LGR4: variants seen among roughly 807,000 people sequenced by gnomAD.
The protein encoded by LGR4 is leucine rich repeat containing G protein-coupled receptor 4.
In LGR4, 44 loss-of-function variants were observed where a neutral mutation model predicts 84.8. The observed-to-expected ratio is 0.52, with a 90% CI of 0.41 to 0.67. The LOEUF (loss-of-function observed/expected upper bound fraction) is 0.67, where lower values mean the gene tolerates loss of function less well. Among genes scored for constraint, LGR4 ranks in the 30% least tolerant of loss-of-function variants. The pLI, the probability that LGR4 is intolerant of heterozygous loss-of-function variation, is 0.00. For synonymous variants in LGR4, 429 were observed against 434.3 expected, an observed-to-expected ratio of 0.99 and a Z score of 0.15; for missense variants, 1,032 against 1,131.4, an observed-to-expected ratio of 0.91 and a Z score of 1.26.
chr11:27,388,485 T>C (rs975553969), intron 4 of LGR4, among the ~76,000 whole-genome samples: 2 of 152,194 alleles, frequency 1.3e-5, no homozygotes, highest in Admixed American at 6.6e-5. Flanking sequence ...GATTAAACTA[T>C]TGCTTTGTTA....
At chr11:27,463,540 C>A (rs2133457328) in intron 1 of LGR4, among the ~76,000 whole-genome samples, 1 of 152,144 alleles carries the variant, frequency 6.6e-6, no homozygotes, top group Admixed American at 6.5e-5. Flanking sequence ...AATCCCAGCA[C>A]TTTGGGAGGC....
chr11:27,393,005 G>A (rs1863315708), intron 2 of LGR4, among the ~76,000 whole-genome samples: 1 of 152,130 alleles, frequency 6.6e-6, no homozygotes, highest in African/African-American at 2.4e-5. Context: ...GGCAAAAAGT[G>A]TGAGTCATTG....
rs531416725 is a variant in LGR4, at chr11:27,458,172, C to T, written c.185+13946G>A. On this transcript the variant is annotated intron_variant, in intron 1 of 17. Coordinates refer to ENST00000379214, the MANE Select transcript of LGR4 (RefSeq NM_018490.5). ...AAAGTGAGTATTACATATTAATATA[C>T]GCAACATGTTAGAATCTCAAATGCA... Among the ~76,000 whole-genome samples the T allele has an allele frequency of 2.0e-4, 30 of 152,116 alleles. 1 individual carries two copies. The highest frequency in any genetic ancestry group is 6.0e-4 in the African/African-American group (25 of 41,482).
At position 27,472,261 on chromosome 11, in the gene LGR4, C is replaced by T; in HGVS notation, c.42G>A (p.Gly14=). ...CGCTGGGCCCGGCCGAGCCGAGCAG[C>T]CCCAGGGCGAGGAAGCAGAGCAGCC... ...PLGLLCFLAL[G]LLGSAGPSGA... Residue 14 remains glycine, a synonymous_variant, in exon 1 of 18, where the codon GGG becomes GGA. Transcript: ENST00000379214. The T allele has an allele frequency of 7.8e-7, 1 of 1,276,984 alleles. No individual in the cohort carries two copies. The highest frequency in any genetic ancestry group is 9.8e-7 in the Non-Finnish European group (1 of 1,017,212). The allele number at this position is 1,276,984 out of a possible 1,614,324, so 79.1% of individuals were successfully genotyped here.
At chr11:27,420,350 G>T (rs1863905070) in intron 1 of LGR4, among the ~76,000 whole-genome samples, 1 of 152,036 alleles carries the variant, frequency 6.6e-6, no homozygotes, top group Admixed American at 6.6e-5. Context: ...CACCTATTAG[G>T]TCTGTGCCTG....
At chr11:27,418,206 G>T (rs1022971057) in intron 1 of LGR4, among the ~76,000 whole-genome samples, 1 of 152,002 alleles carries the variant, frequency 6.6e-6, no homozygotes, top group African/African-American at 2.4e-5. Flanking sequence ...AGACACTGTT[G>T]CAACATTCAA....
At chr11:27,451,329 G>A (rs1452647761) in intron 1 of LGR4, among the ~76,000 whole-genome samples, 1 of 152,124 alleles carries the variant, frequency 6.6e-6, no homozygotes, top group Non-Finnish European at 1.5e-5. Flanking sequence ...CTATATCAAA[G>A]GTATAAATTA....
chr11:27,425,994 G>C (rs558894776), intron 1 of LGR4, among the ~76,000 whole-genome samples: 1 of 152,158 alleles, frequency 6.6e-6, no homozygotes, highest in Non-Finnish European at 1.5e-5. Flanking sequence ...TGTGGTCATA[G>C]CATCTGTTGA....
At chr11:27,446,715 G>T (rs1864396294) in intron 1 of LGR4, among the ~76,000 whole-genome samples, 1 of 152,142 alleles carries the variant, frequency 6.6e-6, no homozygotes, top group Admixed American at 6.5e-5. Flanking sequence ...AAATCATGTT[G>T]CTATAAAGAC....
At chr11:27,470,713 GAA>G (rs35698854) in intron 1 of LGR4, among the ~76,000 whole-genome samples, 46 of 134,182 alleles carry the variant, frequency 3.4e-4, no homozygotes, top group Middle Eastern at 3.9e-3. Context: ...TCACTATACT[GAA>G]AAAAAAAAAA....
At chr11:27,407,246 C>T (rs1228556078) in intron 2 of LGR4, among the ~76,000 whole-genome samples, 1 of 152,126 alleles carries the variant, frequency 6.6e-6, no homozygotes, top group East Asian at 1.9e-4. Flanking sequence ...GGCAGCTGAT[C>T]CCCTTTGACA....
Position 27,382,425 on chromosome 11 carries a change from C to T in LGR4, c.690-169G>A, listed in dbSNP as rs193150717. 8.1e-3 allele frequency among the ~76,000 whole-genome samples: 1,142 copies of T among 141,826 alleles called. 7 individuals carry two copies. Among genetic ancestry groups the T allele is most frequent in the Non-Finnish European group, 0.014 (834 of 61,070 alleles). 93.0% of individuals were successfully genotyped at this position (141,826 alleles called of 152,430 possible). Reference sequence around the variant, plus strand: ...ATGTAGGAGTTTAACTGAATTTACACCTTTTCTTACAATAATGAATAGAGA... The same window carrying T: ...ATGTAGGAGTTTAACTGAATTTACATCTTTTCTTACAATAATGAATAGAGA... On this transcript the variant is annotated intron_variant, in intron 6 of 17. Coordinates refer to ENST00000379214, the MANE Select transcript of LGR4 (RefSeq NM_018490.5).
intron 1 of LGR4, among the ~76,000 whole-genome samples, chr11:27,430,546 G>A (rs1377782659): frequency 1.3e-5 from 2 of 152,026 alleles, no homozygotes; most frequent in African/African-American, 4.8e-5. Flanking sequence ...CTTTTCATGG[G>A]CCTCCATTAT....
rs1034796681 is a variant in LGR4 at position 27,367,152 on chromosome 11, G to A, written c.*715C>T. On this transcript the variant is annotated 3_prime_UTR_variant, in exon 18 of 18. Transcript: ENST00000379214. ...AGCCTTTTACTTTTTTTCTAGTAGT[G>A]TAATCACAAAACACTTAAGAAAAAA... 2.0e-5 allele frequency: 3 copies of A among 152,124 alleles called. No homozygotes were observed. The highest frequency in any genetic ancestry group is 6.5e-5 in the Admixed American group (1 of 15,270). 9.4% of individuals were successfully genotyped at this position (152,124 alleles called of 1,614,324 possible).
chr11:27,383,988 A>G (rs571564466), intron 6 of LGR4, among the ~76,000 whole-genome samples: 14 of 152,328 alleles, frequency 9.2e-5, no homozygotes, highest in African/African-American at 3.1e-4. Context: ...GAGATCATGG[A>G]AAAAATAACA....
At chr11:27,448,295 C>CTT (rs67906701) in intron 1 of LGR4, among the ~76,000 whole-genome samples, 152 of 142,668 alleles carry the variant, frequency 1.1e-3, no homozygotes, top group Middle Eastern at 3.5e-3. Context: ...TTTTTCTTTT[C>CTT]TTTTTTTTTT....
intron 4 of LGR4, among the ~76,000 whole-genome samples, chr11:27,387,773 AT>A (rs1224940541): frequency 6.6e-6 from 1 of 152,170 alleles, no homozygotes; most frequent in Non-Finnish European, 1.5e-5. Context: ...TAAATTGTTT[AT>A]TTTATCATGC....
intron 1 of LGR4, among the ~76,000 whole-genome samples, chr11:27,460,221 C>T (rs1032755624): frequency 6.6e-6 from 1 of 152,190 alleles, no homozygotes; most frequent in African/African-American, 2.4e-5. Context: ...GCCCTCAATG[C>T]TAGCTGACCT....
chr11:27,468,928 C>T (rs1444048778), intron 1 of LGR4, among the ~76,000 whole-genome samples: 3 of 152,204 alleles, frequency 2.0e-5, no homozygotes, highest in East Asian at 1.9e-4. Context: ...AGAGGACTCA[C>T]ATACACATTC....
Sources: allele counts gnomAD v4.1 joint callset (sites outside exome capture counted in the v4.1 genomes callset), GRCh38; gene constraint gnomAD v4.1.1; transcripts MANE v1.5; gene names NCBI Gene and HGNC (gene_info 2026-07-23, HGNC 2026-07-21).